FKTN: variants seen among roughly 807,000 people sequenced by gnomAD.
FKTN encodes fukutin.
FKTN carries 47 observed loss-of-function variants against 58.6 expected under a neutral mutation model. That is an observed-to-expected ratio of 0.80 (90% CI 0.63 to 1.02). The LOEUF is 1.02. Among genes scored for constraint, FKTN ranks in the 50% least tolerant of loss-of-function variants. The pLI is 0.00. For synonymous variants in FKTN, 178 were observed against 191.9 expected, an observed-to-expected ratio of 0.93 and a Z score of 0.60; for missense variants, 516 against 537.3, an observed-to-expected ratio of 0.96 and a Z score of 0.39.
intron 1 of FKTN, among the ~76,000 whole-genome samples, chr9:105,559,439 T>C (rs2131609688): frequency 6.6e-6 from 1 of 152,158 alleles, no homozygotes; most frequent in East Asian, 1.9e-4. Context: ...CCCAGCACTT[T>C]GGGAGGCTGA....
chr9:105,585,177 C>A (rs1031863038), intron 3 of FKTN, among the ~76,000 whole-genome samples: 20 of 152,086 alleles, frequency 1.3e-4, no homozygotes, highest in African/African-American at 4.8e-4. Flanking sequence ...GTAATCCCAG[C>A]ACTTTGGGAG....
At chr9:105,631,750 T>C (rs1252143011) in intron 10 of FKTN, among the ~76,000 whole-genome samples, 2 of 147,334 alleles carry the variant, frequency 1.4e-5, no homozygotes, top group Non-Finnish European at 3.0e-5. Context: ...ATGGCAATCA[T>C]TAAAAAGTCA....
At chr9:105,563,535 C>G (rs1333863764) in intron 1 of FKTN, among the ~76,000 whole-genome samples, 1 of 152,092 alleles carries the variant, frequency 6.6e-6, no homozygotes, top group Non-Finnish European at 1.5e-5. Flanking sequence ...GTCCTATGCC[C>G]ACGGAGCCTC....
intron 5 of FKTN, chr9:105,603,829 A>G (rs1452915071): frequency 3.2e-6 from 1 of 310,492 alleles, no homozygotes; most frequent in East Asian, 8.1e-5. Context: ...ACATGCCACC[A>G]CACCTTGGCA....
Position 105,635,363 on chromosome 9 carries a change from AG to A in FKTN, c.*100del. On this transcript the variant is annotated 3_prime_UTR_variant, in exon 11 of 11. Coordinates refer to ENST00000357998, the MANE Select transcript of FKTN (RefSeq NM_001079802.2). Reference sequence around the variant, plus strand: ...TTTGTCAAACATAAGTGGGAACCAAAGAAAAAATGTGACAAGTTTGAAGACA... The same window carrying A: ...TTTGTCAAACATAAGTGGGAACCAAAAAAAAATGTGACAAGTTTGAAGACA... 2 of 1,567,336 alleles carry A rather than the reference AG, an allele frequency of 1.3e-6. No homozygotes were observed. Among genetic ancestry groups the A allele is most frequent in the Non-Finnish European group, 8.6e-7 (1 of 1,157,504 alleles).
rs546556562 is a variant in FKTN at position 105,587,035 on chromosome 9, A to G, written c.106-9563A>G. Among the ~76,000 whole-genome samples the G allele has an allele frequency of 7.9e-5, 12 of 152,352 alleles. No individual in the cohort carries two copies. The East Asian group carries it at 2.3e-3, about 29-fold the overall frequency. On this transcript the variant is annotated intron_variant, in intron 3 of 10. Transcript: ENST00000357998. ...AAAGAAATGAGTGATAAGATATGAA[A>G]TGAGATGGCTTTAAGGAATGCCGTA...
chr9:105,586,107 T>C (rs893545401), intron 3 of FKTN, among the ~76,000 whole-genome samples: 2 of 152,190 alleles, frequency 1.3e-5, no homozygotes, highest in Admixed American at 6.5e-5. Context: ...TTTGACCATT[T>C]TGAGGGCCTT....
At chr9:105,626,461 G>A (rs749646696) in intron 10 of FKTN, among the ~76,000 whole-genome samples, 2 of 152,106 alleles carry the variant, frequency 1.3e-5, no homozygotes, top group Non-Finnish European at 2.9e-5. Flanking sequence ...CCATTCCTGA[G>A]TGTTTCACCC....
intron 3 of FKTN, among the ~76,000 whole-genome samples, chr9:105,586,443 CA>C (rs943557732): frequency 1.1e-4 from 17 of 152,142 alleles, no homozygotes; most frequent in African/African-American, 3.9e-4. Context: ...AGAGAATTTT[CA>C]TTGTTCACTG....
At chr9:105,571,520 A>G (rs1564204871) in intron 1 of FKTN, among the ~76,000 whole-genome samples, 1 of 152,190 alleles carries the variant, frequency 6.6e-6, no homozygotes. Context: ...TTTATTTTAT[A>G]AGAATTAGTT....
At chr9:105,561,914 G>GA (rs1838363876) in intron 1 of FKTN, among the ~76,000 whole-genome samples, 1 of 150,444 alleles carries the variant, frequency 6.6e-6, no homozygotes, top group African/African-American at 2.4e-5. Flanking sequence ...GAGAACAGCT[G>GA]AAAAATGTCG....
chr9:105,560,072 A>T (rs1466508451), intron 1 of FKTN, among the ~76,000 whole-genome samples: 1 of 152,244 alleles, frequency 6.6e-6, no homozygotes, highest in Non-Finnish European at 1.5e-5. Flanking sequence ...CAGAAAATAA[A>T]TAATTCAAAT....
chr9:105,635,687 C>T lies in FKTN; in HGVS notation c.*423C>T, dbSNP rs1833981283. ...TTGAAAAGAATAACCCACTCCTCTT[C>T]TGGGCATTTAAGCTGGTATGTTAGT... On this transcript the variant is annotated 3_prime_UTR_variant, in exon 11 of 11. Transcript: ENST00000357998. 9.4e-7 allele frequency: 1 copy of T among 1,060,138 alleles called. No homozygotes were observed. The highest frequency in any genetic ancestry group is 1.7e-5 in the African/African-American group (1 of 59,610). The allele number at this position is 1,060,138 out of a possible 1,614,324, so 65.7% of individuals were successfully genotyped here.
Position 105,640,554 on chromosome 9 carries a change from G to GA in FKTN, c.*5303dup, listed in dbSNP as rs879263714. The GA allele has an allele frequency of 7.8e-3, 1,022 of 131,350 alleles. 9 individuals are homozygous for GA. The highest frequency in any genetic ancestry group is 0.021 in the African/African-American group (754 of 35,656). 8.1% of individuals were successfully genotyped at this position (131,350 alleles called of 1,614,324 possible). The stretch of plus-strand genomic sequence containing the variant: ...GGCGATAGAGCAAGACTCTGTCTCA[G>GA]AAAAAAAAAAAAAGGAAAGAAAGAA... On this transcript the variant is annotated 3_prime_UTR_variant, in exon 11 of 11. Coordinates refer to ENST00000357998, the MANE Select transcript of FKTN (RefSeq NM_001079802.2).
intron 3 of FKTN, among the ~76,000 whole-genome samples, chr9:105,587,228 G>A (rs1045894829): frequency 2.6e-5 from 4 of 152,074 alleles, no homozygotes; most frequent in Admixed American, 2.0e-4. Context: ...TTATCTAGGA[G>A]CCCACTTATA....
chr9:105,604,709 C>G (rs953784547), intron 6 of FKTN, among the ~76,000 whole-genome samples: 2 of 152,112 alleles, frequency 1.3e-5, no homozygotes, highest in South Asian at 4.1e-4. Flanking sequence ...AATCCCAGCA[C>G]TTTGGGAGGC....
At position 105,639,146 on chromosome 9, in the gene FKTN, C is replaced by G. The variant is rs929941043; in HGVS notation, c.*3882C>G. 3 of 985,226 alleles carry G rather than the reference C, an allele frequency of 3.0e-6. No individual in the cohort carries two copies. The East Asian group carries it at 3.4e-4, about 112-fold the overall frequency. The allele number at this position is 985,226 out of a possible 1,614,324, so 61.0% of individuals were successfully genotyped here. A position where few individuals can be genotyped will look rare whatever the true frequency, so the allele number is the denominator to read the frequency against. On this transcript the variant is annotated 3_prime_UTR_variant, in exon 11 of 11. Transcript: ENST00000357998. ...AAAGTGCCACATTCCCACCTTCTAA[C>G]AGGTAATTATTAGTTGTAATAGCTT...
intron 10 of FKTN, among the ~76,000 whole-genome samples, chr9:105,626,326 C>G (rs1397668811): frequency 6.6e-6 from 1 of 152,122 alleles, no homozygotes; most frequent in African/African-American, 2.4e-5. Context: ...GATGGGAAGT[C>G]CAAGATAAAG....
At chr9:105,589,615 G>T (rs1160620563) in intron 3 of FKTN, among the ~76,000 whole-genome samples, 9 of 152,044 alleles carry the variant, frequency 5.9e-5, no homozygotes, top group Admixed American at 3.3e-4. Context: ...TAAGTATAAG[G>T]TTTACAGGGA....
Sources: gnomAD v4.1 joint callset for allele counts (sites outside exome capture counted in the v4.1 genomes callset) on GRCh38, gnomAD v4.1.1 for gene constraint, MANE v1.5 for transcripts, NCBI Gene and HGNC (gene_info 2026-07-23, HGNC 2026-07-21) for gene names.